FAHD2B: variants seen among roughly 807,000 people sequenced by gnomAD.
FAHD2B encodes fumarylacetoacetate hydrolase domain containing 2B.
Under a neutral mutation model 33.7 loss-of-function variants are expected in FAHD2B, and 26 were observed. The observed-to-expected ratio is 0.77, with a 90% CI of 0.57 to 1.07. The LOEUF is 1.07. Among genes scored for constraint, FAHD2B ranks in the 50% least tolerant of loss-of-function variants. The pLI is 0.00. For synonymous variants in FAHD2B, 108 were observed against 150.9 expected (o/e 0.72, Z 2.08); for missense variants, 272 against 388.1 (o/e 0.70, Z 2.51).
In FAHD2B at chr2:97,091,677, G is replaced by A. The variant is rs147575393; in HGVS notation, c.30C>T (p.Leu10=). ...ACTTCTGAGCCTGCAGCAGAGCTGTGAGTAATCTTCTTCTACCAGACACCA... is the reference window on the plus strand; with the variant it reads ...ACTTCTGAGCCTGCAGCAGAGCTGTAAGTAATCTTCTTCTACCAGACACCA... MLVSGRRRL[L]TALLQAQKWP... is the part of the protein sequence containing the mutation. Residue 10 remains leucine (L), a synonymous_variant, in exon 3 of 9, where the codon CTC becomes CTT. Transcript: ENST00000414820. The A allele has an allele frequency of 1.7e-5, 28 of 1,613,102 alleles. No homozygotes were observed. In the South Asian group the frequency reaches 2.0e-4, roughly 11 times the overall value.
downstream of FAHD2B, among the ~76,000 whole-genome samples, chr2:97,080,477 T>A (rs2031603834): frequency 6.6e-6 from 1 of 152,082 alleles, no homozygotes; most frequent in African/African-American, 2.4e-5. Context: ...CCATGCTGCT[T>A]TGGTTACTGT....
downstream of FAHD2B, among the ~76,000 whole-genome samples, chr2:97,080,756 T>C (rs536532931): frequency 4.6e-5 from 7 of 152,160 alleles, no homozygotes; most frequent in South Asian, 2.1e-4. Flanking sequence ...CTCTCTGATT[T>C]CTTTGAGCAG....
At chr2:97,081,580 G>A, downstream of FAHD2B, 1 of 1,516,086 alleles carries the variant, frequency 6.6e-7, no homozygotes, top group Non-Finnish European at 8.8e-7. Context: ...CTCCCACCCT[G>A]AGTGCCAGCT....
chr2:97,081,886 C>T, downstream of FAHD2B: 1 of 573,142 alleles, frequency 1.7e-6, no homozygotes, highest in Non-Finnish European at 3.1e-6. Context: ...CTCTGGCCAT[C>T]CTCTTGGGTC....
chr2:97,082,670 T>C, downstream of FAHD2B: 1 of 1,569,930 alleles, frequency 6.4e-7, no homozygotes, highest in Non-Finnish European at 8.8e-7. Context: ...CTGTCCTCCC[T>C]ACCTAGAGCC....
rs546633352 is a variant in FAHD2B at position 97,084,402 on chromosome 2, T to C, written c.686-125A>G. ...GTGAAAGGGCTTTAAAGTGCCCACA[T>C]TGACTCAGTGCACTATGTTAGAACT... On this transcript the variant is annotated intron_variant, in intron 6 of 8. Coordinates refer to ENST00000414820, the MANE Select transcript of FAHD2B (RefSeq NM_001320848.2). The C allele has an allele frequency of 6.2e-4, 653 of 1,048,958 alleles. 2 individuals are homozygous for C. Among genetic ancestry groups the C allele is most frequent in the Middle Eastern group, 9.4e-4 (3 of 3,182 alleles). The allele number at this position is 1,048,958 out of a possible 1,614,324, so 65.0% of individuals were successfully genotyped here. A position where few individuals can be genotyped will look rare whatever the true frequency, so the allele number is the denominator to read the frequency against.
chr2:97,090,389 G>A (rs1303601983), intron 3 of FAHD2B, 64 bp from the exon 4 acceptor site: 11 of 1,471,570 alleles, frequency 7.5e-6, no homozygotes, highest in Non-Finnish European at 9.9e-6. Context: ...CGGGCAGGCT[G>A]GGCAGATCCT....
chr2:97,093,752 A>C (rs987138274), intron 1 of FAHD2B, among the ~76,000 whole-genome samples: 2 of 152,058 alleles, frequency 1.3e-5, no homozygotes, highest in Non-Finnish European at 2.9e-5. Context: ...GTATTACAGG[A>C]GTGAGCCACG....
At chr2:97,094,156 T>C (rs4063393) in intron 1 of FAHD2B, among the ~76,000 whole-genome samples, 64 of 152,188 alleles carry the variant, frequency 4.2e-4, no homozygotes, top group African/African-American at 1.4e-3. Flanking sequence ...CTACAGGCGC[T>C]CTCTGGCTAT....
At chr2:97,092,218 G>A (rs750561428) in intron 1 of FAHD2B, among the ~76,000 whole-genome samples, 19 of 152,234 alleles carry the variant, frequency 1.2e-4, no homozygotes, top group Non-Finnish European at 1.8e-4. Context: ...GGCAAGTGAC[G>A]CTGGTGAAAC....
rs1354158612 is a variant in FAHD2B at position 97,091,557 on chromosome 2, T to C, written c.150A>G (p.Gly50=). 1 of 1,613,778 alleles carries C rather than the reference T, an allele frequency of 6.2e-7. No individual in the cohort carries two copies. The highest frequency in any genetic ancestry group is 1.1e-5 in the South Asian group (1 of 90,980). The change falls in exon 3 of 9, where the codon GGA becomes GGG. Residue 50 remains glycine, a synonymous_variant. Coordinates refer to ENST00000414820, the MANE Select transcript of FAHD2B (RefSeq NM_001320848.2). ...PHLGLETGNG[G]GVINLNAFDP... is the part of the protein sequence containing the mutation. Reference sequence around the variant, plus strand: ...CAAAGGCATTGAGGTTGATAACCCCTCCACCATTCCCTGTCTCCAGGCCCA... The same window carrying C: ...CAAAGGCATTGAGGTTGATAACCCCCCCACCATTCCCTGTCTCCAGGCCCA...
intron 6 of FAHD2B, among the ~76,000 whole-genome samples, chr2:97,085,197 C>T (rs891639672): frequency 9.3e-5 from 14 of 150,998 alleles, no homozygotes; most frequent in African/African-American, 3.4e-4. Context: ...CCCCCACCTC[C>T]ACCACAGTTG....
chr2:97,084,372 G>C, intron 6 of FAHD2B, 95 bp from the exon 7 acceptor site: 3 of 1,470,458 alleles, frequency 2.0e-6, no homozygotes, highest in Non-Finnish European at 2.8e-6. Context: ...TTCGTGACTT[G>C]GCAGGTGAAA....
chr2:97,092,175 G>T (rs553619915), intron 1 of FAHD2B, among the ~76,000 whole-genome samples, 187 bp from the exon 2 acceptor site: 2 of 152,152 alleles, frequency 1.3e-5, no homozygotes, highest in African/African-American at 2.4e-5. Flanking sequence ...AAATGAGCAG[G>T]ACCAGGAATT....
intron 3 of FAHD2B, among the ~76,000 whole-genome samples, chr2:97,090,782 G>C (rs1368975152): frequency 2.6e-5 from 4 of 151,092 alleles, no homozygotes; most frequent in Admixed American, 2.0e-4. Context: ...TCTTGTGGCT[G>C]CATATTACTG....
At chr2:97,092,107 G>C (rs1356343451) in intron 1 of FAHD2B, 119 bp from the exon 2 acceptor site, 1 of 163,934 alleles carries the variant, frequency 6.1e-6, no homozygotes, top group Non-Finnish European at 1.3e-5. Flanking sequence ...TGTGAAGATG[G>C]TCAGGGGCTC....
chr2:97,083,931 G>C lies in FAHD2B; in HGVS notation c.882+17C>G. 1 of 1,613,864 alleles carries C rather than the reference G, an allele frequency of 6.2e-7. No individual in the cohort carries two copies. The highest frequency in any genetic ancestry group is 1.7e-5 in the Admixed American group (1 of 59,934). ...GGCCTTTGGGGCCCTTGCTCTCTTT[G>C]CTTTTCGCTAACCTACCTTGAGAAA... On this transcript the variant is annotated intron_variant, in intron 8 of 8. Transcript: ENST00000414820.
At chr2:97,086,508 C>T (rs1269495155) in intron 4 of FAHD2B, 18 of 375,282 alleles carry the variant, frequency 4.8e-5, no homozygotes, top group Admixed American at 1.2e-4. Flanking sequence ...AGGATAAATA[C>T]GAAGTAATAT....
At chr2:97,089,779 T>A (rs183589432) in intron 4 of FAHD2B, 2 of 398,502 alleles carry the variant, frequency 5.0e-6, no homozygotes, top group African/African-American at 4.1e-5. Context: ...ATGTACAGTA[T>A]AAACATATAC....
Sources: gnomAD v4.1 joint callset for allele counts (sites outside exome capture counted in the v4.1 genomes callset) on GRCh38, gnomAD v4.1.1 for gene constraint, MANE v1.5 for transcripts, NCBI Gene and HGNC (gene_info 2026-07-23, HGNC 2026-07-21) for gene names.